Variants in PCDHGA11 observed in about 807,000 individuals in gnomAD.
PCDHGA11 encodes protocadherin gamma-A11.
Under a neutral mutation model 60.4 loss-of-function variants are expected in PCDHGA11, and 39 were observed. That is an observed-to-expected ratio of 0.65 (90% CI 0.50 to 0.84). The LOEUF is 0.84. Ranked by LOEUF, PCDHGA11 falls within the 40% of genes least tolerant of loss-of-function variation. The probability of loss-of-function intolerance (pLI) is 0.00; values close to 1 mark genes in which losing one functional copy is unlikely to be tolerated. For missense variants in PCDHGA11, 1,165 were observed against 1,197.7 expected (o/e 0.97, Z 0.40); for synonymous variants, 533 against 510.3 (o/e 1.04, Z -0.60).
intron 1 of PCDHGA11, among the ~76,000 whole-genome samples, chr5:141,459,949 G>T (rs1284876601): frequency 2.0e-5 from 3 of 152,124 alleles, no homozygotes; most frequent in Non-Finnish European, 4.4e-5. Context: ...GTGATGGCAG[G>T]TGCCTGTAAT....
intron 1 of PCDHGA11, among the ~76,000 whole-genome samples, chr5:141,471,887 G>T (rs1215891997): frequency 6.6e-6 from 1 of 152,152 alleles, no homozygotes; most frequent in African/African-American, 2.4e-5. Context: ...CTGAAGCTAG[G>T]AAGATTGACT....
intron 1 of PCDHGA11, chr5:141,428,374 C>G: frequency 1.9e-6 from 1 of 530,640 alleles, no homozygotes; most frequent in South Asian, 1.9e-5. Context: ...CTTGCACCTG[C>G]GATGCTCTTC....
intron 1 of PCDHGA11, among the ~76,000 whole-genome samples, chr5:141,454,194 G>A (rs949915652): frequency 6.6e-5 from 10 of 152,304 alleles, no homozygotes; most frequent in Non-Finnish European, 4.4e-5. Context: ...CTTAGTGAAG[G>A]TGAATTTATT....
rs747268184 is a variant in PCDHGA11, at chr5:141,489,769, C to A, written c.2434-5038C>A. On this transcript the variant is annotated intron_variant, in intron 1 of 3. Coordinates refer to ENST00000398587, the MANE Select transcript of PCDHGA11 (RefSeq NM_018914.3). This position sits in a 1 kb window ranked among gnomAD's most constrained non-coding sequence, Gnocchi z 4.5. ...CTTTTACACTCTAAGCCCCAACAGC[C>A]ACTTCTCTCTGAATGTGAAGACCCT... The A allele has an allele frequency of 6.2e-7, 1 of 1,614,156 alleles. No individual in the cohort carries two copies. The highest frequency in any genetic ancestry group is 1.1e-5 in the South Asian group (1 of 91,080).
chr5:141,459,947 A>T (rs2098978538), intron 1 of PCDHGA11, among the ~76,000 whole-genome samples: 1 of 152,200 alleles, frequency 6.6e-6, no homozygotes, highest in African/African-American at 2.4e-5. Context: ...GCGTGATGGC[A>T]GGTGCCTGTA....
At position 141,423,499 on chromosome 5, in the gene PCDHGA11, G is replaced by T. The variant is rs1590485367; in HGVS notation, c.2272G>T (p.Val758Phe). The T allele has an allele frequency of 6.2e-7, 1 of 1,613,966 alleles. No individual in the cohort carries two copies. Among genetic ancestry groups the T allele is most frequent in the Non-Finnish European group, 8.5e-7 (1 of 1,179,930 alleles). The change falls in exon 1 of 4, where the codon GTC becomes TTC. Residue 758 changes from valine to phenylalanine, a missense_variant. Physicochemically the swap from Val to Phe is conservative, Grantham distance 50. Coordinates refer to ENST00000398587, the MANE Select transcript of PCDHGA11 (RefSeq NM_018914.3). ...QAFLQTYSHE[V>F]SLIADSQKSH... ...TTTCCTGCAAACCTATTCCCACGAG[G>T]TCTCTCTCATTGCGGACTCGCAGAA...
Position 141,486,791 on chromosome 5 carries a change from C to G in PCDHGA11, c.2434-8016C>G. On this transcript the variant is annotated intron_variant, in intron 1 of 3. Coordinates refer to ENST00000398587, the MANE Select transcript of PCDHGA11 (RefSeq NM_018914.3). The surrounding 1 kb of genome is among the most constrained non-coding windows in gnomAD (Gnocchi z 5.0). ...GCAGTTTGAGGTGCAGGCCCGGGAT[C>G]GGGGCAACCCACCCCTTAGCAGCAC... The G allele has an allele frequency of 1.9e-6, 3 of 1,614,224 alleles. No individual in the cohort carries two copies. The highest frequency in any genetic ancestry group is 2.5e-6 in the Non-Finnish European group (3 of 1,180,046).
intron 1 of PCDHGA11, among the ~76,000 whole-genome samples, chr5:141,459,692 G>A (rs891511502): frequency 2.6e-5 from 4 of 152,134 alleles, no homozygotes; most frequent in African/African-American, 9.7e-5. Flanking sequence ...AAAGCGTTCC[G>A]CTTGCTACAT....
rs1561793987 is a variant in PCDHGA11, at chr5:141,421,443, G to A, written c.216G>A (p.Lys72=). The change falls in exon 1 of 4, where the codon AAG becomes AAA. Residue 72 remains lysine (K), a synonymous_variant. Transcript: ENST00000398587. ...KRGVRIVSRG[K]TQLFAVNPRS... Reference sequence around the variant, plus strand: ...GAGTCCGCATCGTCTCCAGAGGGAAGACACAGCTTTTCGCTGTGAATCCGC... The same window carrying A: ...GAGTCCGCATCGTCTCCAGAGGGAAAACACAGCTTTTCGCTGTGAATCCGC... The A allele has an allele frequency of 2.5e-6, 4 of 1,614,106 alleles. No individual in the cohort carries two copies. Among genetic ancestry groups the A allele is most frequent in the Non-Finnish European group, 2.5e-6 (3 of 1,179,924 alleles).
intron 1 of PCDHGA11, among the ~76,000 whole-genome samples, chr5:141,435,105 G>C (rs1046201852): frequency 2.6e-5 from 4 of 151,940 alleles, no homozygotes; most frequent in African/African-American, 9.7e-5. Flanking sequence ...TATCTAGGGG[G>C]GAGAAATCTA....
chr5:141,448,565 AT>A (rs2098595794), intron 1 of PCDHGA11, among the ~76,000 whole-genome samples: 1 of 152,070 alleles, frequency 6.6e-6, no homozygotes, highest in Non-Finnish European at 1.5e-5. Flanking sequence ...ATATATTTTT[AT>A]TTCCCCATTT....
rs2097403311 is a variant in PCDHGA11 at position 141,431,640 on chromosome 5, T to C, written c.2433+7980T>C. 6.2e-7 allele frequency: 1 copy of C among 1,614,094 alleles called. No individual in the cohort carries two copies. The highest frequency in any genetic ancestry group is 8.5e-7 in the Non-Finnish European group (1 of 1,180,040). On this transcript the variant is annotated intron_variant, in intron 1 of 3. Coordinates refer to ENST00000398587, the MANE Select transcript of PCDHGA11 (RefSeq NM_018914.3). This position sits in a 1 kb window ranked among gnomAD's most constrained non-coding sequence, Gnocchi z 4.8. ...GACAAGGCGGCCCAAGTTTTCAAACTAGATTGTAATTCAGGGACAATATCA... is the reference window on the plus strand; with the variant it reads ...GACAAGGCGGCCCAAGTTTTCAAACCAGATTGTAATTCAGGGACAATATCA...
intron 1 of PCDHGA11, among the ~76,000 whole-genome samples, chr5:141,447,805 G>A (rs1389870133): frequency 2.0e-5 from 3 of 152,064 alleles, no homozygotes; most frequent in Admixed American, 2.0e-4. Context: ...AATAAAATTG[G>A]CTGGGCGTGG....
chr5:141,477,268 C>T lies in PCDHGA11; in HGVS notation c.2434-17539C>T. ...TGACTGACCTGGATGCTGGCGAGAA[C>T]GGGCTGGTGACCTGCGAAGTTCCAC... On this transcript the variant is annotated intron_variant, in intron 1 of 3. Transcript: ENST00000398587. The surrounding 1 kb of genome is among the most constrained non-coding windows in gnomAD (Gnocchi z 4.9). The T allele has an allele frequency of 6.2e-7, 1 of 1,614,196 alleles. No individual in the cohort carries two copies. The highest frequency in any genetic ancestry group is 8.5e-7 in the Non-Finnish European group (1 of 1,180,030).
At chr5:141,450,729 C>T (rs370122389) in intron 1 of PCDHGA11, among the ~76,000 whole-genome samples, 3 of 152,048 alleles carry the variant, frequency 2.0e-5, no homozygotes, top group Non-Finnish European at 2.9e-5. Context: ...TCAGGTGATC[C>T]GCCCGCCTTG....
rs770760145 is a variant in PCDHGA11 at position 141,421,951 on chromosome 5, A to C, written c.724A>C (p.Met242Leu). Residue 242 changes from methionine (M) to leucine (L), a missense_variant, in exon 1 of 4, where the codon ATG becomes CTG. Transcript: ENST00000398587. The part of the protein sequence containing the change: ...VVLDVNDHIP[M>L]FTQSVYRVSV... Reference sequence around the variant, plus strand: ...CCTCGATGTAAATGATCACATCCCAATGTTTACACAGTCCGTATATCGCGT... The same window carrying C: ...CCTCGATGTAAATGATCACATCCCACTGTTTACACAGTCCGTATATCGCGT... 1.9e-6 allele frequency: 3 copies of C among 1,612,854 alleles called. No homozygotes were observed. The highest frequency in any genetic ancestry group is 2.5e-6 in the Non-Finnish European group (3 of 1,179,434).
intron 1 of PCDHGA11, among the ~76,000 whole-genome samples, chr5:141,436,749 C>T (rs2097844674): frequency 6.6e-6 from 1 of 152,154 alleles, no homozygotes; most frequent in Admixed American, 6.5e-5. Flanking sequence ...TGTGCTTCTC[C>T]ATATGGTATA....
chr5:141,470,842 CA>C (rs1300821457), intron 1 of PCDHGA11, among the ~76,000 whole-genome samples: 2 of 152,044 alleles, frequency 1.3e-5, no homozygotes, highest in African/African-American at 4.8e-5. Flanking sequence ...CACACGCCAC[CA>C]TGCTCAGATA....
rs140088812 is a variant in PCDHGA11, at chr5:141,489,695, T to C, written c.2434-5112T>C. The C allele has an allele frequency of 6.2e-7, 1 of 1,614,088 alleles. No homozygotes were observed. The highest frequency in any genetic ancestry group is 1.3e-5 in the African/African-American group (1 of 75,026). On this transcript the variant is annotated intron_variant, in intron 1 of 3. Transcript: ENST00000398587. This position sits in a 1 kb window ranked among gnomAD's most constrained non-coding sequence, Gnocchi z 4.5. ...GAATCAGCAGCATCTGGGGCACGAT[T>C]CCCACTGGACAGTGCCCAGGATCCG...
Sources: allele counts gnomAD v4.1 joint callset (sites outside exome capture counted in the v4.1 genomes callset), GRCh38; gene constraint gnomAD v4.1.1; non-coding constraint Gnocchi (gnomAD v3.1); transcripts MANE v1.5; gene names NCBI Gene and HGNC (gene_info 2026-07-23, HGNC 2026-07-21).